AGBL4: variants seen among roughly 807,000 people sequenced by gnomAD.
The protein encoded by AGBL4 is cytosolic carboxypeptidase 6.
AGBL4 carries 58 observed loss-of-function variants against 66.4 expected under a neutral mutation model. The ratio of observed to expected loss-of-function variants is 0.87; its 90% CI spans 0.71 to 1.09. The LOEUF is 1.09. AGBL4 is among the 50% of genes least tolerant of loss of function. The probability of loss-of-function intolerance (pLI) is 0.00; values close to 1 mark genes in which losing one functional copy is unlikely to be tolerated. For synonymous variants in AGBL4, 234 were observed against 222.9 expected, an observed-to-expected ratio of 1.05 and a Z score of -0.44; for missense variants, 579 against 631.0, an observed-to-expected ratio of 0.92 and a Z score of 0.88.
intron 11 of AGBL4, among the ~76,000 whole-genome samples, chr1:48,581,593 T>G (rs1644741054): frequency 6.6e-6 from 1 of 152,236 alleles, no homozygotes; most frequent in Non-Finnish European, 1.5e-5. Flanking sequence ...TATTTATTAC[T>G]TGGCAGGCCA....
At chr1:48,789,992 GAAGA>G (rs1645508796) in intron 6 of AGBL4, among the ~76,000 whole-genome samples, 2 of 152,182 alleles carry the variant, frequency 1.3e-5, no homozygotes, top group Admixed American at 6.5e-5. Context: ...CCTATCCAAG[GAAGA>G]AAGAGTCTGT....
chr1:48,990,987 A>G (rs988373984), intron 5 of AGBL4, among the ~76,000 whole-genome samples: 2 of 152,116 alleles, frequency 1.3e-5, no homozygotes, highest in African/African-American at 4.8e-5. Context: ...TGTACTTAAG[A>G]TATGAGTAGT....
intron 2 of AGBL4, among the ~76,000 whole-genome samples, chr1:49,704,806 G>C (rs1024971876): frequency 2.6e-5 from 4 of 152,184 alleles, no homozygotes; most frequent in South Asian, 4.1e-4. Context: ...GTTGGTACCA[G>C]TACCATGCTG....
chr1:48,774,454 G>T lies in AGBL4; in HGVS notation c.634+92737C>A, dbSNP rs183170440. Among the ~76,000 whole-genome samples the T allele has an allele frequency of 9.5e-4, 145 of 152,302 alleles. 2 individuals are homozygous for T. In the South Asian group the frequency reaches 0.014, roughly 15 times the overall value. On this transcript the variant is annotated intron_variant, in intron 6 of 13. Transcript: ENST00000371839. ...AGATCAAAATTCAAAATGTGGTTTG[G>T]CCAACTTCAAGTTGTTGTCTTTTTT...
At chr1:49,429,626 AATGTATTCTCCCT>A (rs1645739810) in intron 3 of AGBL4, among the ~76,000 whole-genome samples, 1 of 152,116 alleles carries the variant, frequency 6.6e-6, no homozygotes, top group Admixed American at 6.6e-5. Flanking sequence ...ATCTGTCTCC[AATGTATTCTCCCT>A]ACATGATTTT....
rs551704309 is a variant in AGBL4, at chr1:49,177,316, A to G, written c.377+68454T>C. On this transcript the variant is annotated intron_variant, in intron 4 of 13. Transcript: ENST00000371839. The stretch of plus-strand genomic sequence containing the variant: ...TAGCTTTTCCTAGCCACATTCAGCC[A>G]GCAAAATGAACATTACTATTTTCCT... Among the ~76,000 whole-genome samples, 4 of 152,342 alleles carry G rather than the reference A, an allele frequency of 2.6e-5. No homozygotes were observed. The South Asian group carries it at 8.3e-4, about 32-fold the overall frequency.
At chr1:49,692,359 C>A (rs2124598736) in intron 3 of AGBL4, among the ~76,000 whole-genome samples, 1 of 152,222 alleles carries the variant, frequency 6.6e-6, no homozygotes, top group South Asian at 2.1e-4. Context: ...CCTTTGTGGA[C>A]TGCTGATTTT....
At chr1:49,950,810 T>C (rs1656087317) in intron 1 of AGBL4, among the ~76,000 whole-genome samples, 2 of 151,778 alleles carry the variant, frequency 1.3e-5, no homozygotes, top group Non-Finnish European at 2.9e-5. Flanking sequence ...TTATTTACAA[T>C]AGTCAAAATA....
intron 3 of AGBL4, among the ~76,000 whole-genome samples, chr1:49,494,009 A>C (rs568081594): frequency 1.3e-5 from 2 of 152,012 alleles, no homozygotes; most frequent in East Asian, 3.9e-4. Flanking sequence ...AGACTTTCGA[A>C]AACAGGGTCA....
At chr1:49,890,006 G>A (rs918720814) in intron 1 of AGBL4, among the ~76,000 whole-genome samples, 1 of 152,134 alleles carries the variant, frequency 6.6e-6, no homozygotes, top group African/African-American at 2.4e-5. Context: ...TTGAACCACT[G>A]AAGGCAAAAT....
At chr1:48,534,515 T>C (rs1215274443) in intron 13 of AGBL4, among the ~76,000 whole-genome samples, 1 of 152,192 alleles carries the variant, frequency 6.6e-6, no homozygotes, top group Non-Finnish European at 1.5e-5. Context: ...ATAAAATAAC[T>C]ACACAAAACA....
chr1:49,618,348 A>ACCAGAGGTACAAAGAGG (rs1328947815), intron 3 of AGBL4, among the ~76,000 whole-genome samples: 1 of 150,856 alleles, frequency 6.6e-6, no homozygotes, highest in African/African-American at 2.4e-5. Context: ...AATGATGTAT[A>ACCAGAGGTACAAAGAGG]ATCCTTTGGG....
intron 1 of AGBL4, among the ~76,000 whole-genome samples, chr1:50,009,352 G>T (rs1661360254): frequency 6.6e-6 from 1 of 152,014 alleles, no homozygotes; most frequent in Admixed American, 6.6e-5. Context: ...TGCAAGGATG[G>T]TTCAACATAT....
intron 5 of AGBL4, among the ~76,000 whole-genome samples, chr1:48,977,379 C>T (rs142775883): frequency 6.6e-6 from 1 of 152,194 alleles, no homozygotes; most frequent in Non-Finnish European, 1.5e-5. Flanking sequence ...GTCTCAGTTC[C>T]AGTTCCAGTT....
rs565507420 is a variant in AGBL4 at position 49,310,868 on chromosome 1, G to T, written c.283-65004C>A. 3.3e-4 allele frequency among the ~76,000 whole-genome samples: 50 copies of T among 152,032 alleles called. No individual in the cohort carries two copies. The South Asian group carries it at 3.9e-3, about 12-fold the overall frequency. ...ATATTAATATTATTCCCCAAACTAG[G>T]AATAAGGAAACTGATGCTCAGAGAG... is the stretch of plus-strand genomic sequence containing the variant. On this transcript the variant is annotated intron_variant, in intron 3 of 13. Coordinates refer to ENST00000371839, the MANE Select transcript of AGBL4 (RefSeq NM_032785.4).
chr1:49,128,743 A>G (rs1412700237), intron 4 of AGBL4, among the ~76,000 whole-genome samples: 1 of 152,128 alleles, frequency 6.6e-6, no homozygotes, highest in Non-Finnish European at 1.5e-5. Flanking sequence ...TAAATGTAAA[A>G]AAGCTAAACT....
chr1:49,821,059 A>G (rs1174238746), intron 2 of AGBL4, among the ~76,000 whole-genome samples: 2 of 152,170 alleles, frequency 1.3e-5, no homozygotes, highest in African/African-American at 2.4e-5. Flanking sequence ...TGCTGTTGTT[A>G]TTACTTCCCA....
intron 6 of AGBL4, among the ~76,000 whole-genome samples, chr1:48,850,041 A>C (rs933499838): frequency 6.6e-6 from 1 of 152,128 alleles, no homozygotes; most frequent in African/African-American, 2.4e-5. Flanking sequence ...GGTACCACAG[A>C]CTCCACATAT....
At chr1:49,517,987 G>GTTCA (rs1649964597) in intron 3 of AGBL4, among the ~76,000 whole-genome samples, 1 of 151,858 alleles carries the variant, frequency 6.6e-6, no homozygotes, top group South Asian at 2.1e-4. Context: ...CATATTATTT[G>GTTCA]TTCATTCATT....
Sources: gnomAD v4.1 joint callset for allele counts (sites outside exome capture counted in the v4.1 genomes callset) on GRCh38, gnomAD v4.1.1 for gene constraint, MANE v1.5 for transcripts, NCBI Gene and HGNC (gene_info 2026-07-23, HGNC 2026-07-21) for gene names.